Variants in NUDCD2 observed in about 807,000 individuals in gnomAD.
NUDCD2 encodes the protein NudC domain containing 2, also known as nudC domain-containing protein 2.
A neutral mutation model predicts 20.8 loss-of-function variants in NUDCD2; 16 were observed. The observed-to-expected ratio is 0.77, with a 90% CI of 0.52 to 1.17. The LOEUF (loss-of-function observed/expected upper bound fraction) is 1.17, where lower values mean the gene tolerates loss of function less well. Among genes scored for constraint, NUDCD2 ranks in the 50% most tolerant of loss-of-function variants. The pLI is 0.00. For synonymous variants in NUDCD2, 87 were observed against 72.8 expected, an observed-to-expected ratio of 1.20 and a Z score of -1.00; for missense variants, 199 against 193.9, an observed-to-expected ratio of 1.03 and a Z score of -0.16.
chr5:163,455,226 T>C (rs1001347958), intron 3 of NUDCD2, among the ~76,000 whole-genome samples: 13 of 151,872 alleles, frequency 8.6e-5, no homozygotes, highest in Admixed American at 8.5e-4. Flanking sequence ...AGCAATGATA[T>C]GAAAACATAA....
intron 3 of NUDCD2, among the ~76,000 whole-genome samples, chr5:163,456,169 A>G (rs1186265687): frequency 6.6e-6 from 1 of 152,168 alleles, no homozygotes; most frequent in Non-Finnish European, 1.5e-5. Flanking sequence ...TTCAGAAAAA[A>G]AGTCTAGGCT....
rs1758238568 is a variant in NUDCD2, at chr5:163,453,906, T to C, written c.*61A>G. 1 of 858,230 alleles carries C rather than the reference T, an allele frequency of 1.2e-6. No homozygotes were observed. 53.2% of individuals were successfully genotyped at this position (858,230 alleles called of 1,614,324 possible). On this transcript the variant is annotated 3_prime_UTR_variant, in exon 4 of 4. Coordinates refer to ENST00000302764, the MANE Select transcript of NUDCD2 (RefSeq NM_145266.6). ...CGCATTTTTCTTCCATTACATAATC[T>C]GTTTATCTGATTAAGTTGGCAATAT... is the stretch of plus-strand genomic sequence containing the variant.
chr5:163,454,864 C>A lies in NUDCD2; in HGVS notation c.391-814G>T, dbSNP rs189016413. 2.2e-4 allele frequency among the ~76,000 whole-genome samples: 33 copies of A among 152,112 alleles called. 1 individual carries two copies. The highest frequency in any genetic ancestry group is 6.2e-4 in the South Asian group (3 of 4,826). On this transcript the variant is annotated intron_variant, in intron 3 of 3. Transcript: ENST00000302764. ...TCAAGAGTGAAAAAAAACAAAAATC[C>A]CTGCTCTAGTGGAACTTAACATTCT...
chr5:163,446,987 C>G lies in NUDCD2; in HGVS notation c.*6980G>C, dbSNP rs1050181087. 1 of 152,192 alleles carries G rather than the reference C, an allele frequency of 6.6e-6. No individual in the cohort carries two copies. Among genetic ancestry groups the G allele is most frequent in the Non-Finnish European group, 1.5e-5 (1 of 68,044 alleles). The allele number at this position is 152,192 out of a possible 1,614,324, so 9.4% of individuals were successfully genotyped here. Reference sequence around the variant, plus strand: ...CACCACTGCTCTCCAACCTGGGCAACAGAGTGAGGCTCTTGTCTCAAAAAA... The same window carrying G: ...CACCACTGCTCTCCAACCTGGGCAAGAGAGTGAGGCTCTTGTCTCAAAAAA... On this transcript the variant is annotated 3_prime_UTR_variant, in exon 4 of 4. Coordinates refer to ENST00000302764, the MANE Select transcript of NUDCD2 (RefSeq NM_145266.6).
chr5:163,459,584 C>T (rs1333863725), intron 1 of NUDCD2: 1 of 245,656 alleles, frequency 4.1e-6, no homozygotes, highest in East Asian at 8.5e-5. Flanking sequence ...CCTTTAGCAA[C>T]CTAGTTAATC....
Position 163,453,436 on chromosome 5 carries a change from A to G in NUDCD2, c.*531T>C, listed in dbSNP as rs1309442912. On this transcript the variant is annotated 3_prime_UTR_variant, in exon 4 of 4. Coordinates refer to ENST00000302764, the MANE Select transcript of NUDCD2 (RefSeq NM_145266.6). ...CTTCTTGACATAAAGTAATCCCTCA[A>G]GTAATAATATTCTAATTAAGAAATT... 1 of 152,504 alleles carries G rather than the reference A, an allele frequency of 6.6e-6. No homozygotes were observed. Among genetic ancestry groups the G allele is most frequent in the Non-Finnish European group, 1.5e-5 (1 of 68,002 alleles). 9.4% of individuals were successfully genotyped at this position (152,504 alleles called of 1,614,324 possible).
In NUDCD2 at chr5:163,456,957, T is replaced by C. The variant is rs773237977; in HGVS notation, c.362A>G (p.Lys121Arg). The C allele has an allele frequency of 6.2e-7, 1 of 1,611,554 alleles. No homozygotes were observed. The highest frequency in any genetic ancestry group is 8.5e-7 in the Non-Finnish European group (1 of 1,179,026). ...DPWVQDQMQR[K>R]LTLERFQKEN... ...TTTTTGGAATCTCTCTAATGTAAGC[T>C]TTCTCTGCATTTGGTCTTGCACCCA... The change falls in exon 3 of 4, where the codon AAG (lysine) becomes AGG (arginine). Residue 121 changes from lysine to arginine, a missense_variant. Transcript: ENST00000302764.
chr5:163,455,920 A>G (rs1758296778), intron 3 of NUDCD2, among the ~76,000 whole-genome samples: 1 of 152,198 alleles, frequency 6.6e-6, no homozygotes, highest in African/African-American at 2.4e-5. Context: ...TTTCGAAGGT[A>G]GCATCAGTAA....
rs930962722 is a variant in NUDCD2, at chr5:163,453,827, C to A, written c.*140G>T. 5.7e-5 allele frequency: 25 copies of A among 435,302 alleles called. No individual in the cohort carries two copies. The highest frequency in any genetic ancestry group is 4.9e-4 in the African/African-American group (24 of 49,022). The allele number at this position is 435,302 out of a possible 1,614,324, so 27.0% of individuals were successfully genotyped here. On this transcript the variant is annotated 3_prime_UTR_variant, in exon 4 of 4. Transcript: ENST00000302764. ...TTCCTATGTAAATTATGTTTGAATG[C>A]AATTTTTAGAACCATTTTAAGATAC...
intron 3 of NUDCD2, among the ~76,000 whole-genome samples, chr5:163,455,725 C>T (rs1758289033): frequency 7.0e-6 from 1 of 142,682 alleles, no homozygotes; most frequent in East Asian, 2.1e-4. Context: ...GATCGCACCA[C>T]TCCATCTCAG....
At position 163,457,979 on chromosome 5, in the gene NUDCD2, C is replaced by CTTTT. The variant is rs540496894; in HGVS notation, c.190-373_190-370dup. 7.6e-3 allele frequency among the ~76,000 whole-genome samples: 563 copies of CTTTT among 73,730 alleles called. 89 individuals carry two copies. In the East Asian group the frequency reaches 0.094, roughly 12 times the overall value. The allele number at this position is 73,730 out of a possible 152,430, so 48.4% of individuals were successfully genotyped here. On this transcript the variant is annotated intron_variant, in intron 1 of 3. Coordinates refer to ENST00000302764, the MANE Select transcript of NUDCD2 (RefSeq NM_145266.6). Reference sequence around the variant, plus strand: ...TCCTGCTAAAACTAAAAAATGTTGTCTTTTTTTTTTTTTTTTTTTTTTTTT... The same window carrying CTTTT: ...TCCTGCTAAAACTAAAAAATGTTGTCTTTTTTTTTTTTTTTTTTTTTTTTTTTTT...
In NUDCD2 at chr5:163,457,050, G is replaced by A. The variant is rs747827504; in HGVS notation, c.269C>T (p.Thr90Ile). ...ATTTGCTGCATCTCTCTTTGTCTTT[G>A]TAAGAACAATACGAACCATTTTTCT... ...EDRKMVRIVL[T>I]KTKRDAANCW... Residue 90 changes from threonine (T) to isoleucine (I), a missense_variant, in exon 3 of 4, where the codon ACA becomes ATA. Transcript: ENST00000302764. The A allele has an allele frequency of 4.3e-6, 7 of 1,610,322 alleles. No homozygotes were observed. In the East Asian group the frequency reaches 1.3e-4, roughly 31 times the overall value.
chr5:163,459,823 G>C, intron 1 of NUDCD2, 39 bp downstream of exon 1: 1 of 1,552,076 alleles, frequency 6.4e-7, no homozygotes, highest in Non-Finnish European at 8.7e-7. Flanking sequence ...GGGGCGTCTG[G>C]GAAGAGGAAA....
In NUDCD2 at chr5:163,452,829, A is replaced by C. The variant is rs1758209752; in HGVS notation, c.*1138T>G. ...TCTACAAAACTAGCCCATAATTGTC[A>C]AAAGTACTAAGTTGTAAAAGGAAAC... On this transcript the variant is annotated 3_prime_UTR_variant, in exon 4 of 4. Transcript: ENST00000302764. 1 of 152,220 alleles carries C rather than the reference A, an allele frequency of 6.6e-6. No homozygotes were observed. The highest frequency in any genetic ancestry group is 1.5e-5 in the Non-Finnish European group (1 of 68,030). 9.4% of individuals were successfully genotyped at this position (152,220 alleles called of 1,614,324 possible).
intron 1 of NUDCD2, 185 bp downstream of exon 1, chr5:163,459,677 T>G: frequency 2.3e-6 from 1 of 443,322 alleles, no homozygotes; most frequent in Non-Finnish European, 4.0e-6. Flanking sequence ...TCCTCAAATT[T>G]CCACAACTCA....
At chr5:163,458,318 A>C (rs1758377896) in intron 1 of NUDCD2, among the ~76,000 whole-genome samples, 1 of 152,154 alleles carries the variant, frequency 6.6e-6, no homozygotes. Flanking sequence ...AAAACGTTTT[A>C]ATCTTTTTGT....
Position 163,457,038 on chromosome 5 carries a change from CTCTTTG to C in NUDCD2, c.275_280del (p.Thr92_Lys93del). The C allele has an allele frequency of 1.1e-5, 18 of 1,613,292 alleles. No individual in the cohort carries two copies. The highest frequency in any genetic ancestry group is 4.5e-5 in the East Asian group (2 of 44,852). On this transcript the variant is annotated inframe_deletion, in exon 3 of 4. Coordinates refer to ENST00000302764, the MANE Select transcript of NUDCD2 (RefSeq NM_145266.6). ...AGAAGTCCAACAATTTGCTGCATCT[CTCTTTG>C]TCTTTGTAAGAACAATACGAACCAT...
chr5:163,453,435 A>C lies in NUDCD2; in HGVS notation c.*532T>G, dbSNP rs1296388357. The C allele has an allele frequency of 1.3e-5, 2 of 152,474 alleles. No homozygotes were observed. The highest frequency in any genetic ancestry group is 3.8e-4 in the East Asian group (2 of 5,198). 9.4% of individuals were successfully genotyped at this position (152,474 alleles called of 1,614,324 possible). ...ACTTCTTGACATAAAGTAATCCCTC[A>C]AGTAATAATATTCTAATTAAGAAAT... On this transcript the variant is annotated 3_prime_UTR_variant, in exon 4 of 4. Coordinates refer to ENST00000302764, the MANE Select transcript of NUDCD2 (RefSeq NM_145266.6).
chr5:163,454,400 G>A (rs1455787435), intron 3 of NUDCD2, among the ~76,000 whole-genome samples: 1 of 152,106 alleles, frequency 6.6e-6, no homozygotes, highest in Non-Finnish European at 1.5e-5. Flanking sequence ...GGAGTGCAAT[G>A]GTGCGACCTC....
Sources: allele counts gnomAD v4.1 joint callset (sites outside exome capture counted in the v4.1 genomes callset), GRCh38; gene constraint gnomAD v4.1.1; transcripts MANE v1.5; gene names NCBI Gene and HGNC (gene_info 2026-07-23, HGNC 2026-07-21).